The following NALF2 variants were observed in gnomAD, a reference collection of about 807,000 sequenced individuals.
The protein encoded by NALF2 is NALCN channel auxiliary factor 2, also known as bB57D9.1 (TED protein).
Under a neutral mutation model 24.8 loss-of-function variants are expected in NALF2, and 1 was observed. That is an observed-to-expected ratio of 0.04 (90% CI 0.01 to 0.19). The LOEUF is 0.19. Ranked by LOEUF, NALF2 falls within the 10% of genes least tolerant of loss-of-function variation. The pLI is 1.00. For missense variants in NALF2, 458 were observed against 409.6 expected, an observed-to-expected ratio of 1.12 and a Z score of -1.02; for synonymous variants, 254 against 189.8, an observed-to-expected ratio of 1.34 and a Z score of -2.78.
In NALF2 at chrX:69,505,860, A is replaced by C; in HGVS notation, c.578A>C (p.Asn193Thr). 1.7e-6 allele frequency: 2 copies of C among 1,210,733 alleles called. No homozygotes were observed. Among genetic ancestry groups the C allele is most frequent in the East Asian group, 5.9e-5 (2 of 33,740 alleles). Residue 193 changes from asparagine (N) to threonine (T), a missense_variant, in exon 1 of 3, where the codon AAC becomes ACC. Asn to Thr is a moderately conservative substitution (Grantham distance 65, BLOSUM62 0). Transcript: ENST00000252338. ...KKNLLKGHFR[N>T]FTLSFCDTYT... ...AACTTGCTCAAAGGCCACTTTCGGA[A>C]CTTCACTCTCTCCTTTTGCGACACC...
intron 1 of NALF2, among the ~76,000 whole-genome samples, chrX:69,523,021 G>A (rs968206823): frequency 1.8e-5 from 2 of 112,655 alleles, no homozygotes; most frequent in South Asian, 7.3e-4. Flanking sequence ...TCATCCCCAT[G>A]TGTAGCTCAC....
In NALF2 at chrX:69,505,177, G is replaced by A; in HGVS notation, c.-106G>A. Reference sequence around the variant, plus strand: ...CTCACCATGCAGCCCCCGAGGTAGAGCCTGGACGGCGCCGAGGAGCGCAGA... The same window carrying A: ...CTCACCATGCAGCCCCCGAGGTAGAACCTGGACGGCGCCGAGGAGCGCAGA... On this transcript the variant is annotated 5_prime_UTR_variant, in exon 1 of 3. Transcript: ENST00000252338. 3 of 832,533 alleles carry A rather than the reference G, an allele frequency of 3.6e-6. No homozygotes were observed. The highest frequency in any genetic ancestry group is 4.8e-6 in the Non-Finnish European group (3 of 621,038). The allele number at this position is 832,533 out of a possible 1,213,427, so 68.6% of individuals were successfully genotyped here. A position where few individuals can be genotyped will look rare whatever the true frequency, so the allele number is the denominator to read the frequency against.
intron 1 of NALF2, among the ~76,000 whole-genome samples, chrX:69,516,444 G>A (rs1930663187): frequency 8.9e-6 from 1 of 112,104 alleles, no homozygotes; most frequent in East Asian, 2.8e-4. Context: ...CTATCTAACT[G>A]GAGCAGGGGC....
chrX:69,505,858 G>C lies in NALF2; in HGVS notation c.576G>C (p.Arg192=). 2 of 1,211,494 alleles carry C rather than the reference G, an allele frequency of 1.7e-6. No individual in the cohort carries two copies. The highest frequency in any genetic ancestry group is 4.6e-4 in the Middle Eastern group (2 of 4,353). ...AAAACTTGCTCAAAGGCCACTTTCG[G>C]AACTTCACTCTCTCCTTTTGCGACA... ...AKKNLLKGHF[R]NFTLSFCDTY... is the part of the protein sequence containing the mutation. Residue 192 remains arginine (R), a synonymous_variant, in exon 1 of 3, where the codon CGG becomes CGC. Coordinates refer to ENST00000252338, the MANE Select transcript of NALF2 (RefSeq NM_015686.3).
At chrX:69,508,902 G>A (rs927471998) in intron 1 of NALF2, among the ~76,000 whole-genome samples, 2 of 112,272 alleles carry the variant, frequency 1.8e-5, no homozygotes. Context: ...AAACCAAGCT[G>A]GGAACCTCTG....
chrX:69,524,821 A>G (rs1930783079), intron 1 of NALF2, among the ~76,000 whole-genome samples: 1 of 111,980 alleles, frequency 8.9e-6, no homozygotes, highest in South Asian at 3.8e-4. Flanking sequence ...GAGGGATAGC[A>G]ATGGCCTCCG....
Position 69,506,124 on chromosome X carries a change from C to T in NALF2, c.842C>T (p.Ser281Phe). The T allele has an allele frequency of 8.3e-7, 1 of 1,206,418 alleles. No homozygotes were observed. The highest frequency in any genetic ancestry group is 1.1e-6 in the Non-Finnish European group (1 of 892,652). ...YLQAEEYSIR[S>F]CTKGCKAVYK... ...CAGGCGGAAGAGTACTCAATCCGGT[C>T]CTGCACGAAAGGCTGTAAGGTAAGG... The change falls in exon 1 of 3, where the codon TCC becomes TTC. Residue 281 changes from serine (S) to phenylalanine (F), a missense_variant. By Grantham distance (155) the Ser-to-Phe change is radical. Transcript: ENST00000252338.
chrX:69,505,152 C>T lies in NALF2; in HGVS notation c.-131C>T, dbSNP rs1930437230. On this transcript the variant is annotated 5_prime_UTR_variant, in exon 1 of 3. Transcript: ENST00000252338. ...CGGGGCATCGCGCCGGCCGGCCTGC[C>T]TCACCATGCAGCCCCCGAGGTAGAG... is the stretch of plus-strand genomic sequence containing the variant. 1 of 604,903 alleles carries T rather than the reference C, an allele frequency of 1.7e-6. No individual in the cohort carries two copies. The highest frequency in any genetic ancestry group is 6.0e-5 in the Admixed American group (1 of 16,768). The allele number at this position is 604,903 out of a possible 1,213,427, so 49.9% of individuals were successfully genotyped here.
chrX:69,510,997 G>T (rs1930573742), intron 1 of NALF2, among the ~76,000 whole-genome samples: 1 of 107,617 alleles, frequency 9.3e-6, no homozygotes, highest in Non-Finnish European at 1.9e-5. Context: ...TCCCACGTTA[G>T]CTCACACCCA....
chrX:69,508,221 T>C (rs1354079748), intron 1 of NALF2, among the ~76,000 whole-genome samples: 3 of 111,642 alleles, frequency 2.7e-5, no homozygotes, highest in African/African-American at 9.8e-5. Flanking sequence ...ATGTAATGCT[T>C]AAGGTTTTTC....
At chrX:69,519,881 C>T (rs1419959709) in intron 1 of NALF2, among the ~76,000 whole-genome samples, 2 of 112,401 alleles carry the variant, frequency 1.8e-5, no homozygotes, top group East Asian at 5.6e-4. Context: ...CACTGCTCCA[C>T]TGAAACTGCT....
chrX:69,506,005 G>T lies in NALF2; in HGVS notation c.723G>T (p.Glu241Asp). 8.3e-7 allele frequency: 1 copy of T among 1,211,665 alleles called. No homozygotes were observed. The highest frequency in any genetic ancestry group is 1.1e-6 in the Non-Finnish European group (1 of 895,380). ...VVASPGSGAW[E>D]ACSNCIEAYQ... ...CCAGCCCGGGCTCCGGGGCCTGGGA[G>T]GCGTGTAGCAACTGTATCGAGGCGT... The change falls in exon 1 of 3, where the codon GAG (glutamate) becomes GAT (aspartate). Residue 241 changes from glutamate (E) to aspartate (D), a missense_variant. Coordinates refer to ENST00000252338, the MANE Select transcript of NALF2 (RefSeq NM_015686.3).
Position 69,529,638 on chromosome X carries a change from G to A in NALF2, c.1101G>A (p.Glu367=). The change falls in exon 3 of 3, where the codon GAG becomes GAA. Residue 367 remains glutamate (E), a synonymous_variant. Transcript: ENST00000252338. ...KCCDVQWVSC[E]AKKKKFKESE... ...GTGACGTGCAGTGGGTCTCCTGTGA[G>A]GCGAAGAAGAAGAAGTTCAAGGAGT... 1 of 1,211,059 alleles carries A rather than the reference G, an allele frequency of 8.3e-7. No individual in the cohort carries two copies.
Position 69,504,893 on chromosome X carries a change from G to A in NALF2, c.-390G>A, listed in dbSNP as rs1367789939. On this transcript the variant is annotated 5_prime_UTR_variant, in exon 1 of 3. Transcript: ENST00000252338. ...ACGGCCGGTTTGGAGTGCGAGCCGG[G>A]CGGCCGCCGGCGCGGAGTGAAGTGG... 9.3e-6 allele frequency among the ~76,000 whole-genome samples: 1 copy of A among 107,709 alleles called. No individual in the cohort carries two copies. Among genetic ancestry groups the A allele is most frequent in the Non-Finnish European group, 2.0e-5 (1 of 51,267 alleles). The allele number at this position is 107,709 out of a possible 115,157, so 93.5% of individuals were successfully genotyped here. A position where few individuals can be genotyped will look rare whatever the true frequency, so the allele number is the denominator to read the frequency against.
chrX:69,521,264 T>G (rs193285057), intron 1 of NALF2, among the ~76,000 whole-genome samples: 1 of 111,661 alleles, frequency 9.0e-6, no homozygotes, highest in East Asian at 2.8e-4. Flanking sequence ...TGAAGTGCAC[T>G]TATTCTTTCC....
In NALF2 at chrX:69,529,633, T is replaced by C; in HGVS notation, c.1096T>C (p.Cys366Arg). Reference sequence around the variant, plus strand: ...GTGCTGTGACGTGCAGTGGGTCTCCTGTGAGGCGAAGAAGAAGAAGTTCAA... The same window carrying C: ...GTGCTGTGACGTGCAGTGGGTCTCCCGTGAGGCGAAGAAGAAGAAGTTCAA... ...TKCCDVQWVS[C>R]EAKKKKFKES... The change falls in exon 3 of 3, where the codon TGT becomes CGT. Residue 366 changes from cysteine (C) to arginine (R), a missense_variant. Physicochemically the swap from Cys to Arg is radical, Grantham distance 180. Coordinates refer to ENST00000252338, the MANE Select transcript of NALF2 (RefSeq NM_015686.3). 3 of 1,210,914 alleles carry C rather than the reference T, an allele frequency of 2.5e-6. No homozygotes were observed. The highest frequency in any genetic ancestry group is 2.2e-6 in the Non-Finnish European group (2 of 895,207).
In NALF2 at chrX:69,505,379, C is replaced by G; in HGVS notation, c.97C>G (p.Pro33Ala). ...CCWAPRPSDKPCADSERAQRW... is the reference protein window; with the variant it reads ...CCWAPRPSDKACADSERAQRW... ...CTGGGCTCCCAGGCCGAGCGACAAA[C>G]CTTGCGCCGACTCCGAGCGGGCGCA... The change falls in exon 1 of 3, where the codon CCT becomes GCT. Residue 33 changes from proline to alanine, a missense_variant. Physicochemically the swap from Pro to Ala is conservative, Grantham distance 27 (BLOSUM62 -1). Coordinates refer to ENST00000252338, the MANE Select transcript of NALF2 (RefSeq NM_015686.3). The G allele has an allele frequency of 1.7e-6, 2 of 1,159,801 alleles. No individual in the cohort carries two copies. The highest frequency in any genetic ancestry group is 2.3e-6 in the Non-Finnish European group (2 of 869,834).
intron 1 of NALF2, among the ~76,000 whole-genome samples, chrX:69,525,431 C>A (rs1930793338): frequency 9.0e-6 from 1 of 111,530 alleles, no homozygotes; most frequent in African/African-American, 3.3e-5. Context: ...GGAGGGAAGT[C>A]TCTAAGGTAC....
rs1189143677 is a variant in NALF2, at chrX:69,505,088, C to T, written c.-195C>T. 9.3e-6 allele frequency among the ~76,000 whole-genome samples: 1 copy of T among 107,548 alleles called. No individual in the cohort carries two copies. Among genetic ancestry groups the T allele is most frequent in the African/African-American group, 3.3e-5 (1 of 29,955 alleles). The allele number at this position is 107,548 out of a possible 115,157, so 93.4% of individuals were successfully genotyped here. Reference sequence around the variant, plus strand: ...AGAGCGACGGAGCGCGGGAGCGGCGCGGAGACGGCACCAGAGCGCCCCGCG... The same window carrying T: ...AGAGCGACGGAGCGCGGGAGCGGCGTGGAGACGGCACCAGAGCGCCCCGCG... On this transcript the variant is annotated 5_prime_UTR_variant, in exon 1 of 3. Coordinates refer to ENST00000252338, the MANE Select transcript of NALF2 (RefSeq NM_015686.3).
Sources: gnomAD v4.1 joint callset for allele counts (sites outside exome capture counted in the v4.1 genomes callset) on GRCh38, gnomAD v4.1.1 for gene constraint, MANE v1.5 for transcripts, NCBI Gene and HGNC (gene_info 2026-07-23, HGNC 2026-07-21) for gene names.